TMEM132C: variants seen among roughly 807,000 people sequenced by gnomAD.
TMEM132C encodes the protein transmembrane protein 132C.
Under a neutral mutation model 61.4 loss-of-function variants are expected in TMEM132C, and 29 were observed. That is an observed-to-expected ratio of 0.47 (90% CI 0.35 to 0.64). The LOEUF is 0.64. TMEM132C is among the 30% of genes least tolerant of loss of function. TMEM132C has a pLI of 0.00. For synonymous variants in TMEM132C, 656 were observed against 633.1 expected, an observed-to-expected ratio of 1.04 and a Z score of -0.54; for missense variants, 1,408 against 1,476.9, an observed-to-expected ratio of 0.95 and a Z score of 0.76.
intron 1 of TMEM132C, among the ~76,000 whole-genome samples, chr12:128,301,795 C>T (rs969941824): frequency 2.0e-4 from 30 of 152,140 alleles, no homozygotes; most frequent in Non-Finnish European, 3.4e-4. Context: ...AAAGACATAG[C>T]TGAGACTGGG....
chr12:128,466,949 C>T (rs1565944472), intron 2 of TMEM132C, among the ~76,000 whole-genome samples: 1 of 152,120 alleles, frequency 6.6e-6, no homozygotes, highest in Non-Finnish European at 1.5e-5. Context: ...ATCCTGGTAC[C>T]TGATAAAGAC....
rs571445104 is a variant in TMEM132C at position 128,683,447 on chromosome 12, C to G, written c.1450-10382C>G. Among the ~76,000 whole-genome samples the G allele has an allele frequency of 2.6e-5, 4 of 152,284 alleles. No homozygotes were observed. The South Asian group carries it at 8.3e-4, about 32-fold the overall frequency. On this transcript the variant is annotated intron_variant, in intron 5 of 8. Coordinates refer to ENST00000435159, the MANE Select transcript of TMEM132C (RefSeq NM_001136103.3). The stretch of plus-strand genomic sequence containing the variant: ...TAGAACAGGCCACAATTATTCCTAC[C>G]TCCAGGCCCTCACGCAGTGTAAGTG...
Position 128,705,398 on chromosome 12 carries a change from G to C in TMEM132C, c.2430G>C (p.Gly810=). 6.4e-7 allele frequency: 1 copy of C among 1,551,084 alleles called. No individual in the cohort carries two copies. The highest frequency in any genetic ancestry group is 8.7e-7 in the Non-Finnish European group (1 of 1,146,992). ...GQNDADSSPG[G]DYEEDEIKNH... is the part of the protein sequence containing the mutation. ...ACGATGCTGACTCCAGCCCCGGCGGGGACTATGAGGAAGATGAGATCAAGA... is the reference window on the plus strand; with the variant it reads ...ACGATGCTGACTCCAGCCCCGGCGGCGACTATGAGGAAGATGAGATCAAGA... The change falls in exon 9 of 9, where the codon GGG becomes GGC. Residue 810 remains glycine (G), a synonymous_variant. Transcript: ENST00000435159.
chr12:128,705,711 C>G lies in TMEM132C; in HGVS notation c.2743C>G (p.Gln915Glu), dbSNP rs191786893. 239 of 1,551,456 alleles carry G rather than the reference C, an allele frequency of 1.5e-4. No homozygotes were observed. In the African/African-American group the frequency reaches 3.0e-3, roughly 19 times the overall value. Reference sequence around the variant, plus strand: ...TGGGCTGGAGGAAAACGACCTGGTGCAGACTCCGCGGGGCCTGAGTGATCT... The same window carrying G: ...TGGGCTGGAGGAAAACGACCTGGTGGAGACTCCGCGGGGCCTGAGTGATCT... ...GSGLEENDLV[Q>E]TPRGLSDLEI... is the part of the protein sequence containing the mutation. The change falls in exon 9 of 9, where the codon CAG (glutamine) becomes GAG (glutamate). Residue 915 changes from glutamine (Q) to glutamate (E), a missense_variant. Transcript: ENST00000435159.
intron 4 of TMEM132C, among the ~76,000 whole-genome samples, chr12:128,636,909 G>T (rs1228747744): frequency 6.6e-6 from 1 of 152,030 alleles, no homozygotes; most frequent in Non-Finnish European, 1.5e-5. Context: ...GGGTCCTCCA[G>T]GTTCATCCAT....
intron 3 of TMEM132C, among the ~76,000 whole-genome samples, chr12:128,553,267 A>T (rs79648984): frequency 0.035 from 5,392 of 152,332 alleles, 329 homozygotes; most frequent in African/African-American, 0.12. Context: ...CAGGTTGGAC[A>T]AGCTTGCAAG....
chr12:128,310,928 A>G (rs1445453656), intron 1 of TMEM132C, among the ~76,000 whole-genome samples: 1 of 152,192 alleles, frequency 6.6e-6, no homozygotes, highest in Non-Finnish European at 1.5e-5. Context: ...GATGATGGAG[A>G]TCTCAAGTAC....
chr12:128,649,897 G>C (rs139136773), intron 4 of TMEM132C, among the ~76,000 whole-genome samples: 109 of 152,332 alleles, frequency 7.2e-4, no homozygotes, highest in Middle Eastern at 3.4e-3. Flanking sequence ...TGACAGATAA[G>C]TAAAGTTTGT....
chr12:128,631,195 CTG>C (rs1954062418), intron 4 of TMEM132C, among the ~76,000 whole-genome samples: 1 of 152,230 alleles, frequency 6.6e-6, no homozygotes, highest in African/African-American at 2.4e-5. Context: ...ACTGTCCACT[CTG>C]GGGACCACCA....
At chr12:128,377,816 C>T (rs1352494976) in intron 1 of TMEM132C, among the ~76,000 whole-genome samples, 4 of 152,006 alleles carry the variant, frequency 2.6e-5, no homozygotes, top group Admixed American at 1.3e-4. Context: ...TGTAGATCTG[C>T]GGACTCGTCA....
intron 2 of TMEM132C, among the ~76,000 whole-genome samples, chr12:128,479,573 G>T (rs937584501): frequency 1.3e-5 from 2 of 152,226 alleles, no homozygotes; most frequent in Admixed American, 6.5e-5. Context: ...GTCCAGTCAT[G>T]TTCGTTTGTT....
intron 4 of TMEM132C, among the ~76,000 whole-genome samples, chr12:128,637,926 A>G (rs1299142808): frequency 6.6e-6 from 1 of 152,236 alleles, no homozygotes; most frequent in African/African-American, 2.4e-5. Context: ...CAGAATCAGC[A>G]AAAGAAAATG....
At chr12:128,441,213 G>T (rs11059696) in intron 2 of TMEM132C, among the ~76,000 whole-genome samples, 30 of 152,336 alleles carry the variant, frequency 2.0e-4, no homozygotes, top group African/African-American at 7.2e-4. Flanking sequence ...CGATGAGTGC[G>T]AGGAGCAGAG....
At chr12:128,382,039 G>A (rs945290252) in intron 1 of TMEM132C, among the ~76,000 whole-genome samples, 2 of 147,884 alleles carry the variant, frequency 1.4e-5, no homozygotes, top group Admixed American at 6.7e-5. Flanking sequence ...TTTGTTATTC[G>A]CTTTTTTTTT....
rs183579325 is a variant in TMEM132C at position 128,646,555 on chromosome 12, A to G, written c.1306-22862A>G. Among the ~76,000 whole-genome samples, 33 of 119,574 alleles carry G rather than the reference A, an allele frequency of 2.8e-4. 1 individual carries two copies. Among genetic ancestry groups the G allele is most frequent in the Admixed American group, 5.3e-4 (6 of 11,256 alleles). The allele number at this position is 119,574 out of a possible 152,430, so 78.4% of individuals were successfully genotyped here. ...AGTGTGTTTACTGGAGTCCATCAGC[A>G]TTGGATATGAGTGTGTTTACTGGAG... is the stretch of plus-strand genomic sequence containing the variant. On this transcript the variant is annotated intron_variant, in intron 4 of 8. Coordinates refer to ENST00000435159, the MANE Select transcript of TMEM132C (RefSeq NM_001136103.3).
intron 2 of TMEM132C, among the ~76,000 whole-genome samples, chr12:128,446,833 G>C (rs971041289): frequency 6.6e-6 from 1 of 152,166 alleles, no homozygotes; most frequent in African/African-American, 2.4e-5. Flanking sequence ...GGGACTGATT[G>C]CTCTGCTGTT....
rs186338220 is a variant in TMEM132C at position 128,552,674 on chromosome 12, C to T, written c.1121+8571C>T. 7.0e-3 allele frequency among the ~76,000 whole-genome samples: 1,070 copies of T among 152,186 alleles called. 6 individuals are homozygous for T. The highest frequency in any genetic ancestry group is 0.012 in the Non-Finnish European group (783 of 67,994). On this transcript the variant is annotated intron_variant, in intron 3 of 8. Transcript: ENST00000435159. ...CTGTAACCCCAGCATTTTGGGAAGC[C>T]GAGGCTGGTGGATCACCTGAGGTCA... is the stretch of plus-strand genomic sequence containing the variant.
intron 2 of TMEM132C, among the ~76,000 whole-genome samples, chr12:128,512,583 A>G (rs1419303137): frequency 6.6e-6 from 1 of 152,234 alleles, no homozygotes; most frequent in African/African-American, 2.4e-5. Flanking sequence ...TAATGCTTCA[A>G]CAGATAGCCT....
At chr12:128,420,439 T>A (rs1252448242) in intron 2 of TMEM132C, among the ~76,000 whole-genome samples, 3 of 152,196 alleles carry the variant, frequency 2.0e-5, no homozygotes, top group South Asian at 2.1e-4. Context: ...CAAATGTGGC[T>A]GAAACAGAAT....
Sources: allele counts gnomAD v4.1 joint callset (sites outside exome capture counted in the v4.1 genomes callset), GRCh38; gene constraint gnomAD v4.1.1; transcripts MANE v1.5; gene names NCBI Gene and HGNC (gene_info 2026-07-23, HGNC 2026-07-21).